Variants in CSMD1 observed in about 807,000 individuals in gnomAD.
CSMD1 encodes CUB and sushi domain-containing protein 1.
CSMD1 carries 213 observed loss-of-function variants against 417.5 expected under a neutral mutation model. The ratio of observed to expected loss-of-function variants is 0.51; its 90% confidence interval spans 0.46 to 0.57. The LOEUF (loss-of-function observed/expected upper bound fraction) is 0.57. Ranked by LOEUF, CSMD1 falls within the 20% of genes least tolerant of loss-of-function variation. CSMD1 has a pLI of 0.00. For missense variants in CSMD1, 6,923 were observed against 4,529.7 expected, an observed-to-expected ratio of 1.53 and a Z score of -15.17; for synonymous variants, 2,862 against 1,736.8, an observed-to-expected ratio of 1.65 and a Z score of -16.11.
intron 1 of CSMD1, among the ~76,000 whole-genome samples, chr8:4,794,445 A>G (rs1226591281): frequency 6.6e-6 from 1 of 152,140 alleles, no homozygotes; most frequent in Non-Finnish European, 1.5e-5. Flanking sequence ...TTAAAACAAA[A>G]TGGTTCCTCA....
intron 10 of CSMD1, among the ~76,000 whole-genome samples, chr8:3,555,997 A>G (rs111861533): frequency 6.6e-6 from 1 of 152,174 alleles, no homozygotes; most frequent in Non-Finnish European, 1.5e-5. Flanking sequence ...GGTGATTTCA[A>G]TCCCATTCAA....
chr8:3,120,644 T>G (rs2045642), intron 41 of CSMD1, among the ~76,000 whole-genome samples: 1 of 151,892 alleles, frequency 6.6e-6, no homozygotes, highest in East Asian at 2.0e-4. Flanking sequence ...GTCAAGAGAT[T>G]GAGACCAGCC....
intron 2 of CSMD1, among the ~76,000 whole-genome samples, chr8:4,580,358 T>C (rs1563305408): frequency 6.6e-6 from 1 of 152,198 alleles, no homozygotes; most frequent in Admixed American, 6.5e-5. Flanking sequence ...CTTTTTAACA[T>C]TTTCATCGCA....
At chr8:3,459,396 C>A (rs904656746) in intron 12 of CSMD1, among the ~76,000 whole-genome samples, 1 of 152,176 alleles carries the variant, frequency 6.6e-6, no homozygotes, top group Non-Finnish European at 1.5e-5. Flanking sequence ...TCTCATACAA[C>A]TTCCTTGCAA....
In CSMD1 at chr8:3,741,926, T is replaced by A. The variant is rs115270928; in HGVS notation, c.931+12004A>T. On this transcript the variant is annotated intron_variant, in intron 6 of 69. Transcript: ENST00000635120. ...ATTCTGGCCCAAACCTACTTTTTCA[T>A]AATTATTTCCCACAAATGGCAAATC... 3.6e-3 allele frequency among the ~76,000 whole-genome samples: 541 copies of A among 152,200 alleles called. 4 individuals carry two copies. Among genetic ancestry groups the A allele is most frequent in the African/African-American group, 0.012 (515 of 41,540 alleles).
intron 50 of CSMD1, among the ~76,000 whole-genome samples, chr8:3,032,272 GT>G (rs1040745193): frequency 6.6e-6 from 1 of 151,856 alleles, no homozygotes; most frequent in African/African-American, 2.4e-5. Context: ...AAAAAACTGA[GT>G]TTGAATACTC....
intron 1 of CSMD1, among the ~76,000 whole-genome samples, chr8:4,660,042 T>G (rs1804491796): frequency 6.6e-6 from 1 of 151,398 alleles, no homozygotes; most frequent in Admixed American, 6.6e-5. Context: ...CTCCATGATT[T>G]TCTCCTAAGA....
At chr8:3,417,912 C>A (rs1041541284) in intron 12 of CSMD1, among the ~76,000 whole-genome samples, 3 of 152,176 alleles carry the variant, frequency 2.0e-5, no homozygotes, top group African/African-American at 7.2e-5. Context: ...CCATATGACA[C>A]AGCACAACCC....
chr8:4,031,572 G>T (rs530647002), intron 4 of CSMD1, among the ~76,000 whole-genome samples: 1 of 152,156 alleles, frequency 6.6e-6, no homozygotes, highest in Non-Finnish European at 1.5e-5. Context: ...GGTGAGGACA[G>T]AGCTAAATCA....
intron 12 of CSMD1, among the ~76,000 whole-genome samples, chr8:3,441,205 G>C (rs1324694264): frequency 2.6e-5 from 4 of 152,088 alleles, no homozygotes; most frequent in African/African-American, 9.7e-5. Context: ...GGGAGATCTG[G>C]CAGGGAGCAT....
At chr8:3,271,686 A>G (rs1187953927) in intron 26 of CSMD1, among the ~76,000 whole-genome samples, 1 of 152,152 alleles carries the variant, frequency 6.6e-6, no homozygotes, top group Non-Finnish European at 1.5e-5. Flanking sequence ...GCCAGTGATG[A>G]TGAGCATTTT....
chr8:3,621,963 GTCTC>G (rs369112174), intron 7 of CSMD1, among the ~76,000 whole-genome samples: 17,692 of 145,830 alleles, frequency 0.12, 1,090 homozygotes, highest in African/African-American at 0.14. Flanking sequence ...TCTGTCTTAT[GTCTC>G]TCTCTCTCTT....
chr8:3,730,281 G>A (rs540898846), intron 6 of CSMD1, among the ~76,000 whole-genome samples: 2 of 151,944 alleles, frequency 1.3e-5, no homozygotes, highest in Non-Finnish European at 2.9e-5. Context: ...CCCCTTGGAT[G>A]CATCATCCCT....
At chr8:3,432,348 C>G (rs1334598458) in intron 12 of CSMD1, among the ~76,000 whole-genome samples, 1 of 152,084 alleles carries the variant, frequency 6.6e-6, no homozygotes, top group Non-Finnish European at 1.5e-5. Context: ...TACTCCTTAG[C>G]ATTGTCAAGT....
intron 3 of CSMD1, among the ~76,000 whole-genome samples, chr8:4,107,501 A>G (rs1190820412): frequency 6.6e-6 from 1 of 152,246 alleles, no homozygotes. Flanking sequence ...ACACCGAAGA[A>G]TTCCATGTCT....
intron 37 of CSMD1, among the ~76,000 whole-genome samples, chr8:3,168,287 TG>T (rs1820358438): frequency 6.6e-6 from 1 of 152,108 alleles, no homozygotes; most frequent in African/African-American, 2.4e-5. Flanking sequence ...GACAACAACT[TG>T]TTGGCTGTAG....
At chr8:4,329,754 A>C (rs1333481597) in intron 3 of CSMD1, among the ~76,000 whole-genome samples, 2 of 151,996 alleles carry the variant, frequency 1.3e-5, no homozygotes, top group Non-Finnish European at 1.5e-5. Context: ...ATTCCTCAAG[A>C]ATGGCTTGGG....
chr8:4,150,490 C>G (rs1374912230), intron 3 of CSMD1, among the ~76,000 whole-genome samples: 1 of 152,190 alleles, frequency 6.6e-6, no homozygotes, highest in African/African-American at 2.4e-5. Flanking sequence ...TTTTTCACAA[C>G]AGAGATATCT....
chr8:2,951,042 C>T, intron 66 of CSMD1, 72 bp downstream of exon 66: 1 of 1,479,748 alleles, frequency 6.8e-7, no homozygotes. Context: ...CTTACTAGAT[C>T]ACCTCTCTGT....
Sources: allele counts gnomAD v4.1 joint callset (sites outside exome capture counted in the v4.1 genomes callset), GRCh38; gene constraint gnomAD v4.1.1; transcripts MANE v1.5; gene names NCBI Gene and HGNC (gene_info 2026-07-23, HGNC 2026-07-21).